Variants in ERCC1 observed in about 807,000 individuals in gnomAD.
ERCC1 encodes ERCC excision repair 1, endonuclease non-catalytic subunit, also known as DNA excision repair protein ERCC-1.
In ERCC1, 36 loss-of-function variants were observed where a neutral mutation model predicts 37.6. That is an observed-to-expected ratio of 0.96 (90% CI 0.73 to 1.26). The LOEUF (loss-of-function observed/expected upper bound fraction) is 1.26, where lower values mean the gene tolerates loss of function less well. ERCC1 is among the 50% of genes most tolerant of loss of function. ERCC1 has a pLI of 0.00. For missense variants in ERCC1, 349 were observed against 376.5 expected (o/e 0.93, Z 0.60); for synonymous variants, 156 against 162.1 (o/e 0.96, Z 0.28).
At chr19:45,446,932 A>G (rs959844398) in intron 1 of ERCC1, among the ~76,000 whole-genome samples, 5 of 152,118 alleles carry the variant, frequency 3.3e-5, no homozygotes, top group East Asian at 1.9e-4. Context: ...CGGGAGGTGG[A>G]GGTTGCAGTG....
upstream of ERCC1, among the ~76,000 whole-genome samples, chr19:45,428,414 C>G (rs1974754087): frequency 6.6e-6 from 1 of 152,080 alleles, no homozygotes; most frequent in African/African-American, 2.4e-5. Context: ...TGTTTCAAAA[C>G]TAAACTTTGG....
At chr19:45,414,734 G>A (rs956829437) in intron 7 of ERCC1, 127 bp downstream of exon 7, 25 of 720,022 alleles carry the variant, frequency 3.5e-5, no homozygotes, top group South Asian at 1.9e-4. Context: ...CTGCAGTTTC[G>A]GTGGGATGGG....
Position 45,409,562 on chromosome 19 carries a change from A to T in ERCC1, c.*113T>A. 4 of 1,573,374 alleles carry T rather than the reference A, an allele frequency of 2.5e-6. No homozygotes were observed. The highest frequency in any genetic ancestry group is 3.4e-6 in the Non-Finnish European group (4 of 1,159,532). On this transcript the variant is annotated 3_prime_UTR_variant, in exon 10 of 10. Coordinates refer to ENST00000300853, the MANE Select transcript of ERCC1 (RefSeq NM_001983.4). Reference sequence around the variant, plus strand: ...GAAGGTGCCCACCTGGGCCACCAGAAGGTGACACCCCCAGAATCCCTCCCC... The same window carrying T: ...GAAGGTGCCCACCTGGGCCACCAGATGGTGACACCCCCAGAATCCCTCCCC...
chr19:45,441,834 C>A (rs1161975992), intron 1 of ERCC1, among the ~76,000 whole-genome samples: 1 of 151,654 alleles, frequency 6.6e-6, no homozygotes, highest in African/African-American at 2.4e-5. Flanking sequence ...AGGCGCATGC[C>A]ACCACGCCCA....
At chr19:45,423,613 A>T in intron 1 of ERCC1, 168 bp downstream of exon 1, 1 of 1,330,298 alleles carries the variant, frequency 7.5e-7, no homozygotes, top group East Asian at 2.8e-5. Flanking sequence ...CCTCGCCCCC[A>T]CCGGATTCTA....
chr19:45,408,975 A>T lies in ERCC1; in HGVS notation c.*700T>A. On this transcript the variant is annotated 3_prime_UTR_variant, in exon 10 of 10. Transcript: ENST00000300853. The stretch of plus-strand genomic sequence containing the variant: ...AAGAAGAGGAAAAAAGAAAAGGGAC[A>T]GATGGCAATGATGGAGCCAGGGACG... The T allele has an allele frequency of 6.2e-7, 1 of 1,614,098 alleles. No homozygotes were observed. The highest frequency in any genetic ancestry group is 8.5e-7 in the Non-Finnish European group (1 of 1,180,014).
At chr19:45,419,445 G>A (rs1196691115) in intron 4 of ERCC1, 2 of 496,764 alleles carry the variant, frequency 4.0e-6, no homozygotes, top group South Asian at 4.1e-5. Context: ...TTCATGAAGA[G>A]GGGAAGAGAC....
upstream of ERCC1, chr19:45,424,226 T>G: frequency 5.0e-6 from 1 of 198,306 alleles, no homozygotes; most frequent in Admixed American, 6.4e-5. Flanking sequence ...CATTCATTTA[T>G]TCCACACCTA....
At chr19:45,413,870 G>C in intron 8 of ERCC1, 93 bp downstream of exon 8, 1 of 1,568,836 alleles carries the variant, frequency 6.4e-7, no homozygotes. Flanking sequence ...ACGGGCAAGG[G>C]GTGGGCAGGG....
At chr19:45,446,618 T>C (rs1281521070) in intron 1 of ERCC1, among the ~76,000 whole-genome samples, 2 of 152,150 alleles carry the variant, frequency 1.3e-5, no homozygotes, top group Non-Finnish European at 2.9e-5. Flanking sequence ...TCTCAGTGCC[T>C]AGATTTACAT....
At chr19:45,443,649 C>A (rs1975179045) in intron 1 of ERCC1, among the ~76,000 whole-genome samples, 1 of 152,162 alleles carries the variant, frequency 6.6e-6, no homozygotes, top group African/African-American at 2.4e-5. Flanking sequence ...GTTACACAAC[C>A]CGTCGTCGCG....
chr19:45,408,297 C>A lies in ERCC1; in HGVS notation c.*1378G>T. On this transcript the variant is annotated 3_prime_UTR_variant, in exon 10 of 10. Transcript: ENST00000300853. The stretch of plus-strand genomic sequence containing the variant: ...GGAGGTGGACTCACCTGTGCCTCAG[C>A]CCCCCAGGGCACCCTAAGGATCCTT... 6.2e-7 allele frequency: 1 copy of A among 1,612,986 alleles called. No individual in the cohort carries two copies. The highest frequency in any genetic ancestry group is 1.1e-5 in the South Asian group (1 of 91,000).
chr19:45,447,856 T>C (rs968308372), intron 1 of ERCC1, among the ~76,000 whole-genome samples: 1 of 151,322 alleles, frequency 6.6e-6, no homozygotes, highest in Non-Finnish European at 1.5e-5. Flanking sequence ...CATAATTCTC[T>C]GGGCTTCTTT....
chr19:45,445,121 A>G (rs760988056), intron 1 of ERCC1, among the ~76,000 whole-genome samples: 2 of 152,228 alleles, frequency 1.3e-5, no homozygotes, highest in South Asian at 2.1e-4. Flanking sequence ...AGTTCAAGCA[A>G]TTCTCCTGCC....
At chr19:45,411,709 G>T (rs771169974) in intron 9 of ERCC1, among the ~76,000 whole-genome samples, 1 of 151,942 alleles carries the variant, frequency 6.6e-6, no homozygotes. Flanking sequence ...CAGGAGAATC[G>T]CTTGGATCCA....
chr19:45,438,774 TG>T (rs1975045360), intron 1 of ERCC1, among the ~76,000 whole-genome samples: 1 of 152,024 alleles, frequency 6.6e-6, no homozygotes, highest in Non-Finnish European at 1.5e-5. Context: ...CCCAAGTAAC[TG>T]GGATTATAGG....
At chr19:45,435,984 T>G (rs1974965137) in intron 1 of ERCC1, among the ~76,000 whole-genome samples, 1 of 152,170 alleles carries the variant, frequency 6.6e-6, no homozygotes, top group Non-Finnish European at 1.5e-5. Flanking sequence ...CAGGTTGGTC[T>G]TGAACTCCTG....
upstream of ERCC1, chr19:45,424,006 G>A (rs959332312): frequency 5.7e-6 from 6 of 1,052,952 alleles, no homozygotes; most frequent in South Asian, 2.3e-4. Context: ...GACCGCGGAG[G>A]TCGTGGGAGG....
At chr19:45,444,505 C>T (rs1975210279) in intron 1 of ERCC1, among the ~76,000 whole-genome samples, 1 of 152,182 alleles carries the variant, frequency 6.6e-6, no homozygotes, top group South Asian at 2.1e-4. Context: ...GGCCACCGGG[C>T]CGGGACGGAG....
Sources: allele counts gnomAD v4.1 joint callset (sites outside exome capture counted in the v4.1 genomes callset), GRCh38; gene constraint gnomAD v4.1.1; transcripts MANE v1.5; gene names NCBI Gene and HGNC (gene_info 2026-07-23, HGNC 2026-07-21).